STT3A: variants seen among roughly 807,000 people sequenced by gnomAD.
STT3A encodes STT3 oligosaccharyltransferase complex catalytic subunit A, also known as dolichyl-diphosphooligosaccharide--protein glycosyltransferase subunit STT3A.
A neutral mutation model predicts 89.2 loss-of-function variants in STT3A; 34 were observed. That is an observed-to-expected ratio of 0.38 (90% CI 0.29 to 0.51). The LOEUF is 0.51. Ranked by LOEUF, STT3A falls within the 20% of genes least tolerant of loss-of-function variation. STT3A has a pLI of 0.89. For missense variants in STT3A, 555 were observed against 889.5 expected, an observed-to-expected ratio of 0.62 and a Z score of 4.78; for synonymous variants, 282 against 310.3, an observed-to-expected ratio of 0.91 and a Z score of 0.96.
intron 10 of STT3A, 102 bp from the exon 11 acceptor site, chr11:125,611,326 G>A (rs1591378029): frequency 2.3e-6 from 2 of 860,574 alleles, no homozygotes; most frequent in South Asian, 1.7e-5. Context: ...GAATTGCTGG[G>A]TTAAATGTGT....
chr11:125,620,822 A>G lies in STT3A; in HGVS notation c.*12A>G. The stretch of plus-strand genomic sequence containing the variant: ...TGTCAAGGACATAAATGTCACGTCC[A>G]GCTCTGATATGCTTCGCACTGAGCA... On this transcript the variant is annotated 3_prime_UTR_variant, in exon 18 of 18. Coordinates refer to ENST00000392708, the MANE Select transcript of STT3A (RefSeq NM_152713.5). 6.2e-7 allele frequency: 1 copy of G among 1,611,910 alleles called. No individual in the cohort carries two copies. The highest frequency in any genetic ancestry group is 1.7e-5 in the Admixed American group (1 of 59,996).
Position 125,621,990 on chromosome 11 carries a change from G to A in STT3A, c.*1180G>A, listed in dbSNP as rs564135389. On this transcript the variant is annotated 3_prime_UTR_variant, in exon 18 of 18. Transcript: ENST00000392708. ...GTTGAGGCTACAGTGAACTGTGATT[G>A]TGCCACTGTACTCCAGTCTGGGCGA... 1.3e-5 allele frequency: 2 copies of A among 152,306 alleles called. No homozygotes were observed. The highest frequency in any genetic ancestry group is 4.8e-5 in the African/African-American group (2 of 41,560). The allele number at this position is 152,306 out of a possible 1,614,324, so 9.4% of individuals were successfully genotyped here.
intron 16 of STT3A, among the ~76,000 whole-genome samples, chr11:125,618,931 AC>A (rs1413076718): frequency 2.0e-5 from 3 of 152,096 alleles, no homozygotes; most frequent in African/African-American, 7.2e-5. Flanking sequence ...ATGAGGTCTC[AC>A]TATGTTGTCT....
In STT3A at chr11:125,618,572, C is replaced by T; in HGVS notation, c.1963+11C>T. On this transcript the variant is annotated intron_variant, in intron 16 of 17. Coordinates refer to ENST00000392708, the MANE Select transcript of STT3A (RefSeq NM_152713.5). ...TTTACACAGAAGCCAGTGAGTGACT[C>T]ATAATAATATTAATAACAGTAGTAA... 1.9e-6 allele frequency: 3 copies of T among 1,606,758 alleles called. No individual in the cohort carries two copies. The highest frequency in any genetic ancestry group is 2.5e-6 in the Non-Finnish European group (3 of 1,177,486).
chr11:125,602,793 C>G lies in STT3A; in HGVS notation c.272-10C>G, dbSNP rs1257211566. 3 of 1,613,880 alleles carry G rather than the reference C, an allele frequency of 1.9e-6. No individual in the cohort carries two copies. Among genetic ancestry groups the G allele is most frequent in the Non-Finnish European group, 2.5e-6 (3 of 1,179,974 alleles). On this transcript the variant is annotated splice_polypyrimidine_tract_variant and intron_variant, in intron 4 of 17. Transcript: ENST00000392708. ...AGACAACCTAATGGAGTTTCTTCTT[C>G]CTGTTACAGGTTTAATGATCACCTC... is the stretch of plus-strand genomic sequence containing the variant.
rs1197473866 is a variant in STT3A at position 125,620,038 on chromosome 11, G to A, written c.1991G>A (p.Arg664Gln). The A allele has an allele frequency of 2.5e-6, 4 of 1,614,062 alleles. No individual in the cohort carries two copies. The highest frequency in any genetic ancestry group is 1.7e-6 in the Non-Finnish European group (2 of 1,179,994). Residue 664 changes from arginine (R) to glutamine (Q), a missense_variant, in exon 17 of 18, where the codon CGA becomes CAA. By Grantham distance (43) the Arg-to-Gln change is conservative (BLOSUM62 1). This residue lies in a region of STT3A where 273 missense variants were observed against 449.8 expected (regional missense o/e 0.61). Coordinates refer to ENST00000392708, the MANE Select transcript of STT3A (RefSeq NM_152713.5). Reference sequence around the variant, plus strand: ...CGTCCTCCAGGCTTTGACCGTGTCCGAAATGCTGAGATTGGGAATAAAGAC... The same window carrying A: ...CGTCCTCCAGGCTTTGACCGTGTCCAAAATGCTGAGATTGGGAATAAAGAC... The part of the protein sequence containing the change: ...AKRPPGFDRV[R>Q]NAEIGNKDFE...
At chr11:125,611,121 G>A (rs1223472668) in intron 10 of STT3A, 1 of 188,902 alleles carries the variant, frequency 5.3e-6, no homozygotes, top group Non-Finnish European at 1.1e-5. Context: ...GTGTCAAGAT[G>A]TGTAAGAAGG....
At chr11:125,594,436 T>A (rs1166939765) in intron 1 of STT3A, among the ~76,000 whole-genome samples, 1 of 151,862 alleles carries the variant, frequency 6.6e-6, no homozygotes, top group Admixed American at 6.6e-5. Context: ...AAAAATTAGC[T>A]GGGCGTGGTG....
chr11:125,611,270 T>C (rs1302505612), intron 10 of STT3A, 158 bp from the exon 11 acceptor site: 4 of 602,266 alleles, frequency 6.6e-6, no homozygotes, highest in Admixed American at 3.3e-5. Flanking sequence ...GTAAACATCT[T>C]TGCATGTTTC....
chr11:125,610,558 A>G (rs1447732944), intron 10 of STT3A, among the ~76,000 whole-genome samples: 4 of 152,118 alleles, frequency 2.6e-5, no homozygotes, highest in Admixed American at 6.6e-5. Context: ...CGTCTTAAAA[A>G]AAACAACAAC....
intron 4 of STT3A, 54 bp downstream of exon 4, chr11:125,602,478 T>C (rs1242281066): frequency 4.7e-6 from 7 of 1,486,034 alleles, no homozygotes; most frequent in Middle Eastern, 1.8e-4. Flanking sequence ...AATATTTGTA[T>C]GCTAGAGAAC....
chr11:125,619,216 ATT>A (rs879500878), intron 16 of STT3A, among the ~76,000 whole-genome samples: 12 of 138,914 alleles, frequency 8.6e-5, no homozygotes, highest in Admixed American at 7.2e-5. Flanking sequence ...TCCCCAGCTA[ATT>A]TTTTTTTTTT....
At position 125,596,994 on chromosome 11, in the gene STT3A, A is replaced by G. The variant is rs371968584; in HGVS notation, c.89-65A>G. 575 of 1,535,746 alleles carry G rather than the reference A, an allele frequency of 3.7e-4. 1 individual carries two copies. The highest frequency in any genetic ancestry group is 4.7e-4 in the Non-Finnish European group (518 of 1,109,036). On this transcript the variant is annotated intron_variant, in intron 2 of 17. Transcript: ENST00000392708. ...ACTGGATAATACTGTCTTCATTATA[A>G]TACTATATCTGCTGTTCTTTCATGG...
intron 4 of STT3A, 88 bp downstream of exon 4, chr11:125,602,512 T>C (rs1939715282): frequency 9.4e-6 from 13 of 1,389,504 alleles, no homozygotes; most frequent in Non-Finnish European, 1.2e-5. Context: ...TTCTAATAGC[T>C]TTGTCTTGTG....
intron 4 of STT3A, 30 bp from the exon 5 acceptor site, chr11:125,602,773 A>G (rs1022316653): frequency 6.2e-6 from 10 of 1,613,728 alleles, no homozygotes; most frequent in South Asian, 3.3e-5. Flanking sequence ...TGGTAAGACA[A>G]CCTAATGGAG....
chr11:125,602,093 G>A (rs923238205), intron 3 of STT3A, among the ~76,000 whole-genome samples: 10 of 152,236 alleles, frequency 6.6e-5, no homozygotes, highest in Non-Finnish European at 1.2e-4. Flanking sequence ...CACTGCACCC[G>A]GCTCATTTCC....
intron 1 of STT3A, 143 bp from the exon 2 acceptor site, chr11:125,595,738 C>A: frequency 1.7e-6 from 1 of 579,178 alleles, no homozygotes; most frequent in Non-Finnish European, 3.1e-6. Context: ...TTAGGCCAGG[C>A]TTGGATACTA....
rs373275735 is a variant in STT3A at position 125,608,203 on chromosome 11, C to G, written c.875C>G (p.Pro292Arg). 1 of 1,614,092 alleles carries G rather than the reference C, an allele frequency of 6.2e-7. No homozygotes were observed. Among genetic ancestry groups the G allele is most frequent in the African/African-American group, 1.3e-5 (1 of 74,930 alleles). The part of the protein sequence containing the change: ...FVDYLRSKLN[P>R]QQFEVLFRSV... Reference sequence around the variant, plus strand: ...GATTACCTGCGCAGCAAGTTGAATCCACAACAATTTGAAGTTCTTTTCCGG... The same window carrying G: ...GATTACCTGCGCAGCAAGTTGAATCGACAACAATTTGAAGTTCTTTTCCGG... Residue 292 changes from proline to arginine, a missense_variant, in exon 9 of 18, where the codon CCA becomes CGA. By Grantham distance (103) the Pro-to-Arg change is moderately radical. This residue lies in a region of STT3A where 149 missense variants were observed against 206.2 expected (regional missense o/e 0.72). Coordinates refer to ENST00000392708, the MANE Select transcript of STT3A (RefSeq NM_152713.5).
chr11:125,593,460 C>CTCT (rs1291564104), intron 1 of STT3A: 1 of 152,172 alleles, frequency 6.6e-6, no homozygotes, highest in Non-Finnish European at 1.5e-5. Context: ...GGTGTCTTTG[C>CTCT]TCTTATTTGC....
Sources: allele counts gnomAD v4.1 joint callset (sites outside exome capture counted in the v4.1 genomes callset), GRCh38; gene constraint gnomAD v4.1.1; regional missense constraint gnomAD v4.1.1; transcripts MANE v1.5; gene names NCBI Gene and HGNC (gene_info 2026-07-23, HGNC 2026-07-21).